MTUS1: variants seen among roughly 807,000 people sequenced by gnomAD.
MTUS1 encodes microtubule associated scaffold protein 1.
In MTUS1, 109 loss-of-function variants were observed where a neutral mutation model predicts 120.8. The ratio of observed to expected loss-of-function variants is 0.90; its 90% CI spans 0.77 to 1.06. The LOEUF is 1.06. Among genes scored for constraint, MTUS1 ranks in the 50% least tolerant of loss-of-function variants. The pLI is 0.00. For missense variants in MTUS1, 2,210 were observed against 1,486.3 expected, an observed-to-expected ratio of 1.49 and a Z score of -8.01; for synonymous variants, 737 against 550.5, an observed-to-expected ratio of 1.34 and a Z score of -4.74.
intron 6 of MTUS1, among the ~76,000 whole-genome samples, chr8:17,699,661 G>T (rs565903295): frequency 6.6e-6 from 1 of 152,204 alleles, no homozygotes; most frequent in South Asian, 2.1e-4. Context: ...CATTGTTAAT[G>T]ATATCTCTTA....
chr8:17,729,730 A>G (rs946189838), intron 3 of MTUS1, among the ~76,000 whole-genome samples: 1 of 152,116 alleles, frequency 6.6e-6, no homozygotes, highest in African/African-American at 2.4e-5. Context: ...AAAACATGTT[A>G]AAGTAATCTA....
intron 2 of MTUS1, among the ~76,000 whole-genome samples, chr8:17,744,707 T>TA (rs2047608350): frequency 1.3e-5 from 2 of 149,620 alleles, no homozygotes; most frequent in African/African-American, 4.9e-5. Context: ...TTTTTTTTTT[T>TA]TTGATTTTTT....
intron 1 of MTUS1, among the ~76,000 whole-genome samples, chr8:17,773,125 AGAGG>A (rs769074997): frequency 6.6e-6 from 1 of 152,212 alleles, no homozygotes; most frequent in Non-Finnish European, 1.5e-5. Context: ...GTTATGCCAG[AGAGG>A]ATCCAAGAGG....
intron 3 of MTUS1, among the ~76,000 whole-genome samples, chr8:17,737,331 A>C (rs546399662): frequency 1.3e-5 from 2 of 152,254 alleles, no homozygotes; most frequent in African/African-American, 4.8e-5. Flanking sequence ...TTATGCATTT[A>C]AAAGAGGGCT....
intron 13 of MTUS1, 48 bp from the exon 14 acceptor site, chr8:17,647,127 AC>A (rs1359254776): frequency 2.7e-6 from 4 of 1,460,742 alleles, no homozygotes; most frequent in Non-Finnish European, 3.8e-6. Context: ...TAAAAAAAAA[AC>A]CCCTCATTTC....
In MTUS1 at chr8:17,754,407, C is replaced by G. The variant is rs61740538; in HGVS notation, c.1401G>C (p.Ser467=). The part of the protein sequence containing the change: ...GNRGLKNIPD[S]KEAPVNLCKP... ...TACACAGGTTCACAGGTGCCTCCTT[C>G]GAGTCTGGTATGTTTTTAAGCCCTC... is the stretch of plus-strand genomic sequence containing the variant. The change falls in exon 2 of 15, where the codon TCG becomes TCC. Residue 467 remains serine (S), a synonymous_variant. Transcript: ENST00000693296. 2 of 1,614,102 alleles carry G rather than the reference C, an allele frequency of 1.2e-6. No homozygotes were observed. Among genetic ancestry groups the G allele is most frequent in the East Asian group, 2.2e-5 (1 of 44,878 alleles).
chr8:17,778,042 G>A (rs1005837681), intron 1 of MTUS1, among the ~76,000 whole-genome samples: 2 of 152,144 alleles, frequency 1.3e-5, no homozygotes, highest in Non-Finnish European at 2.9e-5. Context: ...TGGAGCTGTG[G>A]GTCACTGATG....
chr8:17,743,593 T>C lies in MTUS1; in HGVS notation c.2287+11A>G, dbSNP rs2131268783. 1 of 1,609,774 alleles carries C rather than the reference T, an allele frequency of 6.2e-7. No homozygotes were observed. Among genetic ancestry groups the C allele is most frequent in the Non-Finnish European group, 8.5e-7 (1 of 1,177,806 alleles). On this transcript the variant is annotated intron_variant, in intron 3 of 14. Coordinates refer to ENST00000693296, the MANE Select transcript of MTUS1 (RefSeq NM_001363059.2). Reference sequence around the variant, plus strand: ...ATTAACTCATAAACTATTGAACTATTTTATTCTTACCAGAACTGGACACAC... The same window carrying C: ...ATTAACTCATAAACTATTGAACTATCTTATTCTTACCAGAACTGGACACAC...
At position 17,754,461 on chromosome 8, in the gene MTUS1, C is replaced by G; in HGVS notation, c.1347G>C (p.Glu449Asp). The G allele has an allele frequency of 6.2e-7, 1 of 1,614,142 alleles. No homozygotes were observed. Among genetic ancestry groups the G allele is most frequent in the Non-Finnish European group, 8.5e-7 (1 of 1,180,030 alleles). Residue 449 changes from glutamate (E) to aspartate (D), a missense_variant, in exon 2 of 15, where the codon GAG becomes GAC. Physicochemically the swap from Glu to Asp is conservative, Grantham distance 45. Coordinates refer to ENST00000693296, the MANE Select transcript of MTUS1 (RefSeq NM_001363059.2). Reference protein sequence around the residue: ...TFSVSPIEATEKCKKVEKGNR... With the variant: ...TFSVSPIEATDKCKKVEKGNR... The stretch of plus-strand genomic sequence containing the variant: ...TACCCTTCTCCACTTTCTTACATTT[C>G]TCCGTCGCTTCAATCGGTGAAACAG...
intron 1 of MTUS1, among the ~76,000 whole-genome samples, chr8:17,783,448 G>T (rs1214015230): frequency 6.6e-6 from 1 of 152,194 alleles, no homozygotes; most frequent in African/African-American, 2.4e-5. Context: ...TTTCTTAGAT[G>T]GGAGTGTAGG....
At chr8:17,668,771 C>A (rs761033914) in intron 8 of MTUS1, among the ~76,000 whole-genome samples, 4 of 152,186 alleles carry the variant, frequency 2.6e-5, no homozygotes, top group African/African-American at 9.7e-5. Context: ...TATTTCATCA[C>A]CCCGGTACTA....
chr8:17,743,506 C>A, intron 3 of MTUS1, 98 bp downstream of exon 3: 1 of 1,154,722 alleles, frequency 8.7e-7, no homozygotes, highest in African/African-American at 1.5e-5. Flanking sequence ...CCACAAAAGG[C>A]TAACTGCTTT....
intron 13 of MTUS1, among the ~76,000 whole-genome samples, chr8:17,648,495 A>T (rs1316893113): frequency 6.6e-6 from 1 of 152,258 alleles, no homozygotes; most frequent in East Asian, 1.9e-4. Context: ...GTCATCCCTG[A>T]CTACCAGATT....
At chr8:17,766,050 C>A (rs562339585) in intron 1 of MTUS1, among the ~76,000 whole-genome samples, 2 of 152,162 alleles carry the variant, frequency 1.3e-5, no homozygotes, top group South Asian at 4.2e-4. Context: ...CATTAGTTTA[C>A]CTTTGTTTAA....
chr8:17,654,982 TCTCCTCTGTCTCCTTCC>T, intron 9 of MTUS1: 2 of 265,574 alleles, frequency 7.5e-6, no homozygotes, highest in East Asian at 7.5e-5. Context: ...ACCGCTCAAC[TCTCCTCTGTCTCCTTCC>T]CTACCCTCAG....
intron 7 of MTUS1, chr8:17,676,527 C>A: frequency 3.4e-6 from 2 of 581,312 alleles, no homozygotes; most frequent in East Asian, 2.8e-5. Context: ...GCTGATACTG[C>A]AGCTTCTGCC....
chr8:17,722,132 G>A, intron 4 of MTUS1: 1 of 1,236,082 alleles, frequency 8.1e-7, no homozygotes, highest in Non-Finnish European at 1.0e-6. Context: ...GACAGGCTCT[G>A]TGGGTGTATG....
At chr8:17,690,450 T>A (rs1461305033) in intron 6 of MTUS1, among the ~76,000 whole-genome samples, 1 of 152,184 alleles carries the variant, frequency 6.6e-6, no homozygotes, top group African/African-American at 2.4e-5. Context: ...TGTGAATTAG[T>A]ACAATCTCTA....
intron 5 of MTUS1, among the ~76,000 whole-genome samples, chr8:17,713,818 T>C (rs952275801): frequency 1.3e-5 from 2 of 152,222 alleles, no homozygotes; most frequent in African/African-American, 4.8e-5. Flanking sequence ...CATAATCATC[T>C]GCAGATACCA....
Sources: allele counts gnomAD v4.1 joint callset (sites outside exome capture counted in the v4.1 genomes callset), GRCh38; gene constraint gnomAD v4.1.1; transcripts MANE v1.5; gene names NCBI Gene and HGNC (gene_info 2026-07-23, HGNC 2026-07-21).